Variants in BRINP1 observed in about 807,000 individuals in gnomAD.
BRINP1 encodes BMP/retinoic acid-inducible neural-specific protein 1.
BRINP1 carries 17 observed loss-of-function variants against 72.9 expected under a neutral mutation model. That is an observed-to-expected ratio of 0.23 (90% CI 0.16 to 0.35). BRINP1 has a LOEUF of 0.35. Among genes scored for constraint, BRINP1 ranks in the 10% least tolerant of loss-of-function variants. The pLI is 1.00. For synonymous variants in BRINP1, 418 were observed against 378.5 expected, an observed-to-expected ratio of 1.10 and a Z score of -1.21; for missense variants, 850 against 1,001.6, an observed-to-expected ratio of 0.85 and a Z score of 2.04.
At chr9:119,225,875 G>A (rs1830085573) in intron 5 of BRINP1, among the ~76,000 whole-genome samples, 1 of 151,540 alleles carries the variant, frequency 6.6e-6, no homozygotes, top group Non-Finnish European at 1.5e-5. Context: ...TAAATTTTAT[G>A]TTGTGTATAT....
intron 7 of BRINP1, among the ~76,000 whole-genome samples, chr9:119,177,225 GT>G (rs1175276718): frequency 6.6e-6 from 1 of 151,928 alleles, no homozygotes; most frequent in Non-Finnish European, 1.5e-5. Context: ...TTCGTTTTCC[GT>G]ACCATCCACC....
intron 5 of BRINP1, among the ~76,000 whole-genome samples, chr9:119,216,690 C>T (rs911181271): frequency 1.3e-5 from 2 of 152,180 alleles, no homozygotes; most frequent in African/African-American, 4.8e-5. Context: ...AGACTATATT[C>T]TCAGTTCTAT....
At chr9:119,302,323 GAGA>G (rs1254579130) in intron 2 of BRINP1, among the ~76,000 whole-genome samples, 18 of 152,276 alleles carry the variant, frequency 1.2e-4, no homozygotes, top group African/African-American at 4.3e-4. Context: ...TGTAAAGTTA[GAGA>G]AGTAGTAAAT....
chr9:119,223,119 G>A (rs902789964), intron 5 of BRINP1, among the ~76,000 whole-genome samples: 5 of 151,956 alleles, frequency 3.3e-5, no homozygotes, highest in African/African-American at 1.2e-4. Flanking sequence ...CTCACTAACT[G>A]TTTGACCTTG....
chr9:119,169,920 CCTAT>C (rs1489867118), intron 7 of BRINP1, among the ~76,000 whole-genome samples: 1 of 152,050 alleles, frequency 6.6e-6, no homozygotes, highest in Non-Finnish European at 1.5e-5. Context: ...AGCTGAGGGT[CCTAT>C]CTGTTAGAAG....
chr9:119,214,375 C>A (rs1272785415), intron 5 of BRINP1, among the ~76,000 whole-genome samples: 1 of 152,138 alleles, frequency 6.6e-6, no homozygotes, highest in Non-Finnish European at 1.5e-5. Context: ...TGACTTTGGC[C>A]ATCTCTGAAA....
chr9:119,350,982 G>A (rs1184837206), intron 1 of BRINP1, among the ~76,000 whole-genome samples: 1 of 151,108 alleles, frequency 6.6e-6, no homozygotes, highest in African/African-American at 2.4e-5. Flanking sequence ...CATATGCCAT[G>A]GTAGTTTGTG....
chr9:119,313,647 G>T (rs568472132), intron 1 of BRINP1, among the ~76,000 whole-genome samples: 14 of 152,172 alleles, frequency 9.2e-5, no homozygotes, highest in African/African-American at 3.4e-4. Context: ...TTCACATATT[G>T]TCTGAACATG....
chr9:119,305,788 C>T (rs981867304), intron 2 of BRINP1, among the ~76,000 whole-genome samples: 3 of 152,154 alleles, frequency 2.0e-5, no homozygotes, highest in Admixed American at 2.0e-4. Context: ...AGTCAGTCTC[C>T]CCCAAAGAGA....
intron 7 of BRINP1, among the ~76,000 whole-genome samples, chr9:119,187,402 T>A (rs1261886054): frequency 6.6e-6 from 1 of 151,918 alleles, no homozygotes; most frequent in African/African-American, 2.4e-5. Flanking sequence ...CCACCACCAC[T>A]GCCACAAAGT....
chr9:119,213,935 C>T lies in BRINP1; in HGVS notation c.906G>A (p.Lys302=). Residue 302 remains lysine (K), a synonymous_variant, in exon 6 of 8, where the codon AAG becomes AAA. Transcript: ENST00000265922. ...NMAKSWAEAY[K]DLENSDEFKS... ...ACTCTCTACCTGAATTCTCCAGGTC[C>T]TTATAAGCTTCGGCCCAAGACTTGG... 6.2e-7 allele frequency: 1 copy of T among 1,614,110 alleles called. No individual in the cohort carries two copies. Among genetic ancestry groups the T allele is most frequent in the Non-Finnish European group, 8.5e-7 (1 of 1,179,968 alleles).
chr9:119,245,375 G>A (rs763195167), intron 3 of BRINP1, among the ~76,000 whole-genome samples: 3 of 152,174 alleles, frequency 2.0e-5, no homozygotes, highest in Admixed American at 6.5e-5. Flanking sequence ...TTACACAGAT[G>A]TACTTCCATG....
At chr9:119,254,941 C>T (rs969631709) in intron 2 of BRINP1, among the ~76,000 whole-genome samples, 1 of 152,200 alleles carries the variant, frequency 6.6e-6, no homozygotes, top group Non-Finnish European at 1.5e-5. Flanking sequence ...CTAATACCAT[C>T]CACTGATGGG....
intron 7 of BRINP1, among the ~76,000 whole-genome samples, chr9:119,179,853 G>A (rs1227218261): frequency 6.6e-6 from 1 of 152,192 alleles, no homozygotes; most frequent in East Asian, 1.9e-4. Context: ...TAACACCTCA[G>A]CTGCCCCCCT....
At chr9:119,246,600 T>C (rs932520838) in intron 3 of BRINP1, among the ~76,000 whole-genome samples, 1 of 152,200 alleles carries the variant, frequency 6.6e-6, no homozygotes, top group Non-Finnish European at 1.5e-5. Flanking sequence ...TCCGTCACTG[T>C]AGAGAACCCT....
chr9:119,345,799 C>T (rs1297549076), intron 1 of BRINP1, among the ~76,000 whole-genome samples: 2 of 152,170 alleles, frequency 1.3e-5, no homozygotes, highest in East Asian at 3.9e-4. Context: ...GAGTTAACAA[C>T]CACTGAGCAC....
At chr9:119,261,296 T>C (rs2031380) in intron 2 of BRINP1, among the ~76,000 whole-genome samples, 136,115 of 152,210 alleles carry the variant, frequency 0.89, 61,282 homozygotes, top group East Asian at 0.99. Flanking sequence ...ACATTAGCAA[T>C]TGTCTTCTGG....
chr9:119,322,903 T>C (rs961466040), intron 1 of BRINP1, among the ~76,000 whole-genome samples: 1 of 152,192 alleles, frequency 6.6e-6, no homozygotes. Context: ...AACATAATTT[T>C]AAAATGTAAC....
intron 5 of BRINP1, among the ~76,000 whole-genome samples, chr9:119,233,568 T>C (rs1830166261): frequency 6.6e-6 from 1 of 152,138 alleles, no homozygotes; most frequent in Non-Finnish European, 1.5e-5. Flanking sequence ...CCCATGCCTC[T>C]CCCCTTTATT....
Sources: gnomAD v4.1 joint callset for allele counts (sites outside exome capture counted in the v4.1 genomes callset) on GRCh38, gnomAD v4.1.1 for gene constraint, MANE v1.5 for transcripts, NCBI Gene and HGNC (gene_info 2026-07-23, HGNC 2026-07-21) for gene names.